Variants in PRSS55 observed in about 807,000 individuals in gnomAD.
PRSS55 encodes the protein serine protease 55.
A neutral mutation model predicts 23.6 loss-of-function variants in PRSS55; 41 were observed. The observed-to-expected ratio is 1.74, with a 90% CI of 1.35 to 2.26. PRSS55 has a LOEUF of 2.26. Ranked by LOEUF, PRSS55 falls within the 30% of genes most tolerant of loss-of-function variation. The pLI is 0.00. For missense variants in PRSS55, 669 were observed against 439.1 expected, an observed-to-expected ratio of 1.52 and a Z score of -4.68; for synonymous variants, 262 against 175.5, an observed-to-expected ratio of 1.49 and a Z score of -3.90.
intron 4 of PRSS55, among the ~76,000 whole-genome samples, chr8:10,546,567 T>C (rs1437401804): frequency 6.6e-6 from 1 of 152,176 alleles, no homozygotes; most frequent in African/African-American, 2.4e-5. Context: ...GCCTTAGACT[T>C]GGCTCTGCAG....
intron 4 of PRSS55, among the ~76,000 whole-genome samples, chr8:10,544,215 G>A (rs192346194): frequency 2.4e-4 from 37 of 152,124 alleles, no homozygotes; most frequent in East Asian, 7.7e-4. Flanking sequence ...TTAGATGCAC[G>A]TATGTTTACA....
intron 4 of PRSS55, among the ~76,000 whole-genome samples, chr8:10,549,332 G>A (rs906787586): frequency 7.2e-5 from 11 of 152,224 alleles, no homozygotes; most frequent in Non-Finnish European, 8.8e-5. Flanking sequence ...AAGTGGGAGT[G>A]AGGGGACAGC....
intron 1 of PRSS55, 55 bp from the exon 2 acceptor site, chr8:10,529,452 T>G: frequency 1.3e-6 from 2 of 1,573,328 alleles, no homozygotes; most frequent in Non-Finnish European, 1.7e-6. Context: ...CAGCTCACAC[T>G]GGATGCTGAC....
chr8:10,543,367 G>C (rs114375062), downstream of PRSS55, among the ~76,000 whole-genome samples: 879 of 152,156 alleles, frequency 5.8e-3, 13 homozygotes, highest in African/African-American at 0.019. Flanking sequence ...ATAGCCCCTA[G>C]AGCCAGGCAT....
At chr8:10,530,430 G>A (rs1013605041) in intron 2 of PRSS55, among the ~76,000 whole-genome samples, 5 of 152,332 alleles carry the variant, frequency 3.3e-5, no homozygotes, top group East Asian at 1.9e-4. Context: ...AGCCAAGATC[G>A]CACCACTGGC....
At chr8:10,540,039 T>C (rs930237054), downstream of PRSS55, among the ~76,000 whole-genome samples, 4 of 152,210 alleles carry the variant, frequency 2.6e-5, no homozygotes, top group African/African-American at 9.6e-5. Flanking sequence ...CTCTCCTTCA[T>C]GTTCAGAGGC....
rs540163101 is a variant in PRSS55, at chr8:10,529,360, C to A, written c.155-147C>A. 5.9e-5 allele frequency: 46 copies of A among 786,278 alleles called. No homozygotes were observed. The African/African-American group carries it at 6.6e-4, about 11-fold the overall frequency. The allele number at this position is 786,278 out of a possible 1,614,324, so 48.7% of individuals were successfully genotyped here. ...CCGGCTGATGTCACAAGGGCTGCCC[C>A]GCTCGGCAGCCTCAGTGAGCTCCTC... is the stretch of plus-strand genomic sequence containing the variant. On this transcript the variant is annotated intron_variant, in intron 1 of 4. Coordinates refer to ENST00000328655, the MANE Select transcript of PRSS55 (RefSeq NM_198464.4).
chr8:10,548,247 G>C (rs1012539298), intron 4 of PRSS55, among the ~76,000 whole-genome samples: 1 of 152,170 alleles, frequency 6.6e-6, no homozygotes, highest in Non-Finnish European at 1.5e-5. Context: ...TCGCCTCAAG[G>C]TGGCAGAGTG....
chr8:10,542,938 C>G (rs1294994722), downstream of PRSS55, among the ~76,000 whole-genome samples: 1 of 149,932 alleles, frequency 6.7e-6, no homozygotes, highest in Non-Finnish European at 1.5e-5. Flanking sequence ...AATCAAGGCT[C>G]AGGTGTCTGT....
At chr8:10,550,701 G>A (rs1001484246) in intron 4 of PRSS55, among the ~76,000 whole-genome samples, 4 of 152,132 alleles carry the variant, frequency 2.6e-5, no homozygotes, top group East Asian at 1.9e-4. Flanking sequence ...GTTACCCTGC[G>A]ATGTGTTACC....
intron 4 of PRSS55, among the ~76,000 whole-genome samples, chr8:10,533,370 G>A (rs559380898): frequency 6.6e-6 from 1 of 152,274 alleles, no homozygotes; most frequent in South Asian, 2.1e-4. Flanking sequence ...ATCTATATAA[G>A]AAGTCATTTT....
At chr8:10,553,297 C>G (rs897767143) in intron 4 of PRSS55, among the ~76,000 whole-genome samples, 1 of 152,224 alleles carries the variant, frequency 6.6e-6, no homozygotes, top group African/African-American at 2.4e-5. Flanking sequence ...TCATGTGGAA[C>G]TGTGAGTTAA....
chr8:10,551,658 G>A (rs768339824), intron 4 of PRSS55, among the ~76,000 whole-genome samples: 22 of 152,220 alleles, frequency 1.4e-4, no homozygotes, highest in Non-Finnish European at 2.2e-4. Flanking sequence ...CAATGACAGC[G>A]GCTGAAGGGA....
chr8:10,539,053 G>GAA (rs796471138), downstream of PRSS55, among the ~76,000 whole-genome samples: 5 of 133,980 alleles, frequency 3.7e-5, no homozygotes, highest in African/African-American at 8.2e-5. Flanking sequence ...ACATATAACA[G>GAA]AAAAAAAAAA....
downstream of PRSS55, among the ~76,000 whole-genome samples, chr8:10,541,832 C>A (rs886524414): frequency 7.2e-5 from 11 of 152,164 alleles, no homozygotes; most frequent in South Asian, 2.1e-4. Context: ...GATCACAGCT[C>A]ACTGCCACCT....
intron 1 of PRSS55, among the ~76,000 whole-genome samples, chr8:10,528,960 G>C (rs1226474328): frequency 6.6e-6 from 1 of 152,088 alleles, no homozygotes; most frequent in Non-Finnish European, 1.5e-5. Context: ...CTGACTTCCT[G>C]CTTCCCTCCA....
At chr8:10,548,999 C>T (rs1404698340) in intron 4 of PRSS55, among the ~76,000 whole-genome samples, 1 of 152,178 alleles carries the variant, frequency 6.6e-6, no homozygotes, top group Non-Finnish European at 1.5e-5. Context: ...CCTGGCATCT[C>T]GTCTGTGGGT....
At position 10,530,418 on chromosome 8, in the gene PRSS55, T is replaced by G. The variant is rs1287123357; in HGVS notation, c.347+719T>G. Among the ~76,000 whole-genome samples the G allele has an allele frequency of 2.0e-5, 3 of 152,230 alleles. No individual in the cohort carries two copies. In the East Asian group the frequency reaches 5.8e-4, roughly 29 times the overall value. On this transcript the variant is annotated intron_variant, in intron 2 of 4. Transcript: ENST00000328655. ...TGAACCCAGGAGGCAGATGTTGCAG[T>G]GAGCCAAGATCGCACCACTGGCACT... is the stretch of plus-strand genomic sequence containing the variant.
At chr8:10,543,344 T>C (rs541591582), downstream of PRSS55, among the ~76,000 whole-genome samples, 1 of 152,306 alleles carries the variant, frequency 6.6e-6, no homozygotes, top group East Asian at 1.9e-4. Flanking sequence ...CATCACATCC[T>C]GGTGACATTT....
Sources: allele counts gnomAD v4.1 joint callset (sites outside exome capture counted in the v4.1 genomes callset), GRCh38; gene constraint gnomAD v4.1.1; transcripts MANE v1.5; gene names NCBI Gene and HGNC (gene_info 2026-07-23, HGNC 2026-07-21).